The following KRT26 variants were observed in gnomAD, a reference collection of about 807,000 sequenced individuals.
The protein encoded by KRT26 is keratin 26, also known as keratin, type I cytoskeletal 26.
KRT26 carries 45 observed loss-of-function variants against 46.1 expected under a neutral mutation model. The ratio of observed to expected loss-of-function variants is 0.98; its 90% confidence interval spans 0.77 to 1.25. The LOEUF (loss-of-function observed/expected upper bound fraction) is 1.25. Ranked by LOEUF, KRT26 falls within the 50% of genes most tolerant of loss-of-function variation. The probability of loss-of-function intolerance (pLI) is 0.00; values close to 1 mark genes in which losing one functional copy is unlikely to be tolerated. For missense variants in KRT26, 582 were observed against 560.1 expected (o/e 1.04, Z -0.39); for synonymous variants, 191 against 209.9 (o/e 0.91, Z 0.78).
At chr17:40,769,009 C>T in exon 6 of KRT26, 1 of 1,613,946 alleles carries the variant, frequency 6.2e-7, no homozygotes, top group Non-Finnish European at 8.5e-7. Flanking sequence ...AGTTGTTCCT[C>T]CATCACCCCT....
At chr17:40,768,384 G>A (rs1056188792) in intron 6 of KRT26, among the ~76,000 whole-genome samples, 3 of 152,190 alleles carry the variant, frequency 2.0e-5, no homozygotes, top group African/African-American at 4.8e-5. Flanking sequence ...GTTAAACAAT[G>A]TGCTCATAAT....
intron 6 of KRT26, 36 bp from the exon 7 acceptor site, chr17:40,767,689 T>C (rs764404192): frequency 1.6e-6 from 2 of 1,281,536 alleles, no homozygotes; most frequent in African/African-American, 1.5e-5. Flanking sequence ...CATTTTTTTT[T>C]CTTTCCTTAG....
At chr17:40,772,076 C>G in exon 1 of KRT26, 4 of 1,614,180 alleles carry the variant, frequency 2.5e-6, no homozygotes, top group Non-Finnish European at 3.4e-6. Context: ...AGTTCGCGAG[C>G]AGATCCTCCT....
chr17:40,771,610 C>T (rs2038221481), intron 1 of KRT26, 63 bp downstream of exon 1: 20 of 1,434,574 alleles, frequency 1.4e-5, no homozygotes, highest in Non-Finnish European at 1.9e-5. Context: ...TTTATATTTT[C>T]TCTTCTTTAA....
At position 40,768,799 on chromosome 17, in the gene KRT26, A is replaced by T. The variant is rs978554062; in HGVS notation, c.1187+80T>A. 5 of 693,880 alleles carry T rather than the reference A, an allele frequency of 7.2e-6. No individual in the cohort carries two copies. The African/African-American group carries it at 7.3e-5, about 10-fold the overall frequency. 43.0% of individuals were successfully genotyped at this position (693,880 alleles called of 1,614,324 possible). On this transcript the variant is annotated intron_variant, in intron 6 of 7. Coordinates refer to ENST00000335552, the Ensembl canonical transcript of KRT26. ...GATCTCCAGAGTAGGAAATTCTAGG[A>T]TGCAATATTGGCATACCTATACTGT...
chr17:40,769,236 C>T lies in KRT26; in HGVS notation c.970-140G>A, dbSNP rs1367408041. On this transcript the variant is annotated intron_variant, in intron 5 of 7. Transcript: ENST00000335552. ...GCAGTGGCATGATCTTGGCTCACTG[C>T]AGCCTCTCTTCCTGTGTTCAAGTGA... 3.4e-5 allele frequency: 19 copies of T among 566,614 alleles called. No homozygotes were observed. The Admixed American group carries it at 5.5e-4, about 16-fold the overall frequency. 35.1% of individuals were successfully genotyped at this position (566,614 alleles called of 1,614,324 possible).
At position 40,768,719 on chromosome 17, in the gene KRT26, A is replaced by G. The variant is rs1450833251; in HGVS notation, c.1187+160T>C. On this transcript the variant is annotated intron_variant, in intron 6 of 7. Transcript: ENST00000335552. ...AGAAATTTGATTTTCAAATTTCTGCATGTTTTAATTTCACTTGGCTGCAAT... is the reference window on the plus strand; with the variant it reads ...AGAAATTTGATTTTCAAATTTCTGCGTGTTTTAATTTCACTTGGCTGCAAT... Among the ~76,000 whole-genome samples the G allele has an allele frequency of 2.0e-5, 3 of 152,164 alleles. No individual in the cohort carries two copies. In the East Asian group the frequency reaches 5.8e-4, roughly 29 times the overall value.
exon 4 of KRT26, chr17:40,770,095 C>G: frequency 6.2e-7 from 1 of 1,614,222 alleles, no homozygotes; most frequent in Middle Eastern, 1.6e-4. Context: ...ACGTTCCCCC[C>G]AGCTGTATAT....
intron 6 of KRT26, 56 bp downstream of exon 6, chr17:40,768,823 G>A (rs922261102): frequency 2.1e-6 from 2 of 967,224 alleles, no homozygotes; most frequent in Admixed American, 2.6e-5. Context: ...TACCTATACT[G>A]TGGGAAAACC....
Position 40,771,733 on chromosome 17 carries a change from G to A in KRT26, c.381C>T (p.Ser127=), listed in dbSNP as rs1202592767. 6 of 1,614,096 alleles carry A rather than the reference G, an allele frequency of 3.7e-6. No homozygotes were observed. In the East Asian group the frequency reaches 8.9e-5, roughly 24 times the overall value. The stretch of plus-strand genomic sequence containing the variant: ...TGCTATAGTCATGATCGTGTTCCCG[G>A]GAAGAGCCAGGCTCACATTTCTCGT... Residue 127 remains serine, a synonymous_variant, in exon 1 of 8, where the codon TCC becomes TCT. Coordinates refer to ENST00000335552, the Ensembl canonical transcript of KRT26.
At chr17:40,766,520 G>A (rs1173102472) in exon 8 of KRT26, 4 of 1,566,352 alleles carry the variant, frequency 2.6e-6, no homozygotes, top group African/African-American at 2.7e-5. Flanking sequence ...CCTCATTATG[G>A]TGCTTTAGAA....
At chr17:40,768,306 A>G (rs991319491) in intron 6 of KRT26, among the ~76,000 whole-genome samples, 1 of 152,226 alleles carries the variant, frequency 6.6e-6, no homozygotes, top group Admixed American at 6.5e-5. Flanking sequence ...CATTATAGTT[A>G]AGACTTGTTA....
intron 5 of KRT26, among the ~76,000 whole-genome samples, chr17:40,769,406 C>T (rs536577166): frequency 2.1e-4 from 32 of 152,116 alleles, no homozygotes; most frequent in Non-Finnish European, 3.7e-4. Context: ...ATCCACCTGC[C>T]GTGGCCTCCC....
chr17:40,771,796 C>A (rs1259608573), exon 1 of KRT26: 1 of 1,614,186 alleles, frequency 6.2e-7, no homozygotes, highest in South Asian at 1.1e-5. Context: ...CTGCGTTGGC[C>A]TCCTCTAGAG....
chr17:40,771,119 T>C, intron 2 of KRT26, 35 bp downstream of exon 2: 2 of 1,265,450 alleles, frequency 1.6e-6, no homozygotes, highest in Non-Finnish European at 2.2e-6. Context: ...ATTTTAACTT[T>C]TATTAATATA....
In KRT26 at chr17:40,768,872, T is replaced by A; in HGVS notation, c.1187+7A>T. The stretch of plus-strand genomic sequence containing the variant: ...GTTTTTTTTTTTTTTTGCAAGTTAA[T>A]CTTTACCTTTCTTCTCCATCTAGTA... On this transcript the variant is annotated splice_region_variant and intron_variant, in intron 6 of 7. Transcript: ENST00000335552. 2.0e-5 allele frequency: 26 copies of A among 1,300,020 alleles called. No individual in the cohort carries two copies. Among genetic ancestry groups the A allele is most frequent in the African/African-American group, 3.0e-5 (2 of 67,206 alleles). The allele number at this position is 1,300,020 out of a possible 1,614,324, so 80.5% of individuals were successfully genotyped here.
intron 5 of KRT26, 79 bp downstream of exon 5, chr17:40,769,675 G>T: frequency 7.2e-7 from 1 of 1,391,992 alleles, no homozygotes. Flanking sequence ...TACGTACTTG[G>T]TGTTATATGT....
chr17:40,772,191 C>T, upstream of KRT26: 5 of 1,204,350 alleles, frequency 4.2e-6, no homozygotes, highest in Non-Finnish European at 6.0e-6. Context: ...TGTTAGCTCC[C>T]TTGGCCTTTT....
At position 40,766,542 on chromosome 17, in the gene KRT26, CT is replaced by C; in HGVS notation, c.1379del (p.Glu460GlyfsTer75). ...ATGGTGCTTTAGAAGGTACTCGTTG[CT>C]CTACTGTAATGTTGCTTATTTTAGA... is the stretch of plus-strand genomic sequence containing the variant. On this transcript the variant is annotated frameshift_variant, in exon 8 of 8. Transcript: ENST00000335552. LOFTEE classifies it low-confidence loss of function (END_TRUNC). 2.5e-6 allele frequency: 4 copies of C among 1,611,610 alleles called. No homozygotes were observed. Among genetic ancestry groups the C allele is most frequent in the Non-Finnish European group, 3.4e-6 (4 of 1,178,780 alleles).
Sources: gnomAD v4.1 joint callset for allele counts (sites outside exome capture counted in the v4.1 genomes callset) on GRCh38, gnomAD v4.1.1 for gene constraint, MANE v1.5 for transcripts, NCBI Gene and HGNC (gene_info 2026-07-23, HGNC 2026-07-21) for gene names.